The following UNC79 variants were observed in gnomAD, a reference collection of about 807,000 sequenced individuals.
UNC79 encodes the protein protein unc-79 homolog.
In UNC79, 37 loss-of-function variants were observed where a neutral mutation model predicts 283.1. The observed-to-expected ratio is 0.13, with a 90% CI of 0.10 to 0.17. The LOEUF (loss-of-function observed/expected upper bound fraction) is 0.17. Among genes scored for constraint, UNC79 ranks in the 10% least tolerant of loss-of-function variants. The pLI is 1.00. For synonymous variants in UNC79, 1,107 were observed against 1,200.2 expected (o/e 0.92, Z 1.61); for missense variants, 2,272 against 3,211.1 (o/e 0.71, Z 7.07).
chr14:93,693,969 C>T (rs557662476), intron 46 of UNC79, among the ~76,000 whole-genome samples: 2 of 152,112 alleles, frequency 1.3e-5, no homozygotes, highest in African/African-American at 4.8e-5. Context: ...CTCAAACAGA[C>T]TAGCGTGATA....
At chr14:93,384,657 T>C (rs2054732802) in intron 1 of UNC79, among the ~76,000 whole-genome samples, 1 of 152,230 alleles carries the variant, frequency 6.6e-6, no homozygotes, top group Admixed American at 6.5e-5. Flanking sequence ...GGGTTGTCTC[T>C]TTGCTTTGTT....
chr14:93,646,911 T>C (rs941957958), intron 35 of UNC79, among the ~76,000 whole-genome samples: 5 of 152,180 alleles, frequency 3.3e-5, no homozygotes, highest in Admixed American at 2.6e-4. Flanking sequence ...TAGGCTCCAA[T>C]TGCAGCTCTA....
intron 47 of UNC79, among the ~76,000 whole-genome samples, chr14:93,695,655 G>T (rs2075042576): frequency 6.6e-6 from 1 of 151,848 alleles, no homozygotes; most frequent in Non-Finnish European, 1.5e-5. Flanking sequence ...ACATTGGGAG[G>T]CTGAGGTGGG....
At chr14:93,545,193 G>A (rs1350598239) in intron 14 of UNC79, among the ~76,000 whole-genome samples, 1 of 151,898 alleles carries the variant, frequency 6.6e-6, no homozygotes, top group African/African-American at 2.4e-5. Flanking sequence ...CACAAGGGTG[G>A]GTTATAGTTT....
At chr14:93,553,284 A>G (rs921201820) in intron 14 of UNC79, among the ~76,000 whole-genome samples, 1 of 152,214 alleles carries the variant, frequency 6.6e-6, no homozygotes, top group African/African-American at 2.4e-5. Context: ...AAACAAAACA[A>G]AAAGGGTCAG....
intron 2 of UNC79, among the ~76,000 whole-genome samples, chr14:93,471,763 C>T (rs750488675): frequency 1.6e-4 from 24 of 151,842 alleles, no homozygotes; most frequent in Non-Finnish European, 2.9e-4. Context: ...TCAACCTCAC[C>T]GAATTCTCAA....
chr14:93,561,616 A>C (rs2141438815), intron 14 of UNC79, among the ~76,000 whole-genome samples: 1 of 152,254 alleles, frequency 6.6e-6, no homozygotes, highest in South Asian at 2.1e-4. Flanking sequence ...TGTGGTGGAG[A>C]TAGCTGGGGA....
intron 32 of UNC79, among the ~76,000 whole-genome samples, chr14:93,638,174 C>T (rs1036355264): frequency 2.0e-5 from 3 of 152,190 alleles, no homozygotes; most frequent in Non-Finnish European, 4.4e-5. Context: ...CATCTCACAA[C>T]TAGTCTTTTA....
chr14:93,503,898 T>C (rs2059414398), intron 7 of UNC79, among the ~76,000 whole-genome samples: 1 of 152,032 alleles, frequency 6.6e-6, no homozygotes, highest in South Asian at 2.1e-4. Context: ...TCATCTTCTA[T>C]AATCTTTGTT....
At chr14:93,606,184 A>T (rs957287199) in intron 26 of UNC79, among the ~76,000 whole-genome samples, 7 of 152,220 alleles carry the variant, frequency 4.6e-5, no homozygotes, top group Non-Finnish European at 8.8e-5. Flanking sequence ...ATCCAACCCA[A>T]GAAGTCCCCT....
chr14:93,623,525 C>T (rs2067298490), intron 30 of UNC79, among the ~76,000 whole-genome samples: 1 of 152,188 alleles, frequency 6.6e-6, no homozygotes, highest in Non-Finnish European at 1.5e-5. Context: ...TCCACCTCAT[C>T]CTATAACAGT....
At chr14:93,614,940 T>A (rs1430356198) in intron 27 of UNC79, among the ~76,000 whole-genome samples, 3 of 152,172 alleles carry the variant, frequency 2.0e-5, no homozygotes, top group African/African-American at 7.2e-5. Flanking sequence ...CCAGAAGAAC[T>A]GCTGGGTGGT....
chr14:93,702,780 C>T lies in UNC79; in HGVS notation c.7549-1845C>T, dbSNP rs2075623764. 2.0e-5 allele frequency among the ~76,000 whole-genome samples: 3 copies of T among 152,228 alleles called. No individual in the cohort carries two copies. The South Asian group carries it at 6.2e-4, about 32-fold the overall frequency. On this transcript the variant is annotated intron_variant, in intron 47 of 48. Coordinates refer to ENST00000555664, the Ensembl canonical transcript of UNC79. ...CCTCACTTGAAAGAGCAGACTCATC[C>T]TCAGATCCTCAAGATTTGTCTCTGC...
intron 4 of UNC79, among the ~76,000 whole-genome samples, chr14:93,487,145 A>T (rs2058483038): frequency 6.6e-6 from 1 of 152,218 alleles, no homozygotes; most frequent in Non-Finnish European, 1.5e-5. Flanking sequence ...AAATTAATAT[A>T]TCATTATTTT....
At chr14:93,671,392 ATATTTAT>A (rs563598684) in intron 40 of UNC79, among the ~76,000 whole-genome samples, 117 of 152,308 alleles carry the variant, frequency 7.7e-4, no homozygotes, top group Non-Finnish European at 1.3e-3. Flanking sequence ...TGTTTCTGTG[ATATTTAT>A]TATTTAAAAA....
At chr14:93,492,427 C>T (rs551299632) in intron 5 of UNC79, among the ~76,000 whole-genome samples, 32 of 152,298 alleles carry the variant, frequency 2.1e-4, no homozygotes, top group African/African-American at 7.0e-4. Context: ...TGGCACGGCT[C>T]ACTGCAACCT....
At chr14:93,536,782 CTTTTTT>C (rs35677025) in intron 11 of UNC79, among the ~76,000 whole-genome samples, 2 of 82,432 alleles carry the variant, frequency 2.4e-5, no homozygotes, top group Admixed American at 2.9e-4. Context: ...CCACCCCCGG[CTTTTTT>C]TTTTTTTTTT....
intron 23 of UNC79, among the ~76,000 whole-genome samples, chr14:93,595,686 T>G (rs1423863183): frequency 6.6e-6 from 1 of 152,288 alleles, no homozygotes; most frequent in South Asian, 2.1e-4. Flanking sequence ...GAGGTCCACC[T>G]TCTAGGTCCC....
At chr14:93,694,567 A>G (rs1268915385) in intron 47 of UNC79, among the ~76,000 whole-genome samples, 155 bp downstream of exon 50, 1 of 152,196 alleles carries the variant, frequency 6.6e-6, no homozygotes, top group Non-Finnish European at 1.5e-5. Context: ...CCAAATGGTT[A>G]TTGCATTAAT....
Sources: gnomAD v4.1 joint callset for allele counts (sites outside exome capture counted in the v4.1 genomes callset) on GRCh38, gnomAD v4.1.1 for gene constraint, MANE v1.5 for transcripts, NCBI Gene and HGNC (gene_info 2026-07-23, HGNC 2026-07-21) for gene names.